Variants in DPYD observed in about 807,000 individuals in gnomAD.
DPYD encodes dihydropyrimidine dehydrogenase [NADP(+)].
DPYD carries 109 observed loss-of-function variants against 116.2 expected under a neutral mutation model. The observed-to-expected ratio is 0.94, with a 90% CI of 0.80 to 1.10. DPYD has a LOEUF of 1.10. DPYD is among the 50% of genes least tolerant of loss of function. The pLI, the probability that DPYD is intolerant of heterozygous loss-of-function variation, is 0.00. For synonymous variants in DPYD, 440 were observed against 432.0 expected (o/e 1.02, Z -0.23); for missense variants, 1,302 against 1,254.5 (o/e 1.04, Z -0.57).
chr1:97,549,894 C>T (rs777212146), intron 11 of DPYD, 150 bp from the exon 12 acceptor site: 17 of 769,032 alleles, frequency 2.2e-5, no homozygotes, highest in African/African-American at 7.1e-5. Flanking sequence ...GAAAAGCTAA[C>T]GAAATATTGG....
intron 2 of DPYD, among the ~76,000 whole-genome samples, chr1:97,868,787 A>C (rs967179737): frequency 3.3e-5 from 5 of 151,800 alleles, no homozygotes; most frequent in Non-Finnish European, 7.4e-5. Context: ...CTTAATCGTA[A>C]TTTTAACATA....
At chr1:97,232,552 C>T (rs1661651838) in intron 19 of DPYD, among the ~76,000 whole-genome samples, 1 of 151,996 alleles carries the variant, frequency 6.6e-6, no homozygotes, top group African/African-American at 2.4e-5. Context: ...GTTATAGTCC[C>T]ACAGTTCCCT....
chr1:97,685,188 C>G (rs1215716622), intron 7 of DPYD, among the ~76,000 whole-genome samples: 1 of 152,102 alleles, frequency 6.6e-6, no homozygotes, highest in Non-Finnish European at 1.5e-5. Flanking sequence ...GCTGGTTCAA[C>G]ATATGCAAAT....
rs986041058 is a variant in DPYD, at chr1:97,528,111, C to G, written c.1525-12170G>C. Among the ~76,000 whole-genome samples the G allele has an allele frequency of 3.3e-5, 5 of 152,136 alleles. No individual in the cohort carries two copies. The East Asian group carries it at 9.6e-4, about 29-fold the overall frequency. On this transcript the variant is annotated intron_variant, in intron 12 of 22. Coordinates refer to ENST00000370192, the MANE Select transcript of DPYD (RefSeq NM_000110.4). ...AATGCATTAATAATTAACTCAAGAT[C>G]AGTTCCTTCGCTCTTTGAAGAAATA...
At chr1:97,622,863 A>C (rs1656711183) in intron 8 of DPYD, among the ~76,000 whole-genome samples, 2 of 152,058 alleles carry the variant, frequency 1.3e-5, no homozygotes, top group South Asian at 4.1e-4. Context: ...GTGAAGAAGA[A>C]AGGCAGGCAA....
At chr1:97,899,135 G>A (rs1453775209) in intron 1 of DPYD, among the ~76,000 whole-genome samples, 2 of 151,298 alleles carry the variant, frequency 1.3e-5, no homozygotes, top group Admixed American at 6.6e-5. Context: ...CTTGGGCCAC[G>A]TTGTAACAGT....
chr1:97,830,671 C>T (rs7538995), intron 2 of DPYD, among the ~76,000 whole-genome samples: 114,093 of 150,470 alleles, frequency 0.76, 43,754 homozygotes, highest in East Asian at 0.98. Flanking sequence ...GTTCGCGCCA[C>T]GGCACTCCAG....
At chr1:97,297,603 C>A (rs1666610555) in intron 18 of DPYD, among the ~76,000 whole-genome samples, 1 of 152,138 alleles carries the variant, frequency 6.6e-6, no homozygotes, top group South Asian at 2.1e-4. Flanking sequence ...ATTATCTCCT[C>A]CCTTCCACTA....
intron 3 of DPYD, among the ~76,000 whole-genome samples, chr1:97,741,989 G>A (rs1234872294): frequency 6.6e-6 from 1 of 152,070 alleles, no homozygotes; most frequent in East Asian, 1.9e-4. Flanking sequence ...AATAGAAAGA[G>A]TATGCACCAG....
At chr1:97,471,671 C>T (rs1463854215) in intron 13 of DPYD, among the ~76,000 whole-genome samples, 1 of 151,890 alleles carries the variant, frequency 6.6e-6, no homozygotes, top group African/African-American at 2.4e-5. Flanking sequence ...TCACTGTAAC[C>T]TCAGCCTGCC....
chr1:97,750,350 G>A (rs1031920406), intron 3 of DPYD, among the ~76,000 whole-genome samples: 1 of 151,916 alleles, frequency 6.6e-6, no homozygotes, highest in Non-Finnish European at 1.5e-5. Context: ...TAGGTTATTT[G>A]TTCCTATACA....
chr1:97,813,076 T>A (rs1668412600), intron 3 of DPYD, among the ~76,000 whole-genome samples: 1 of 152,164 alleles, frequency 6.6e-6, no homozygotes, highest in Non-Finnish European at 1.5e-5. Context: ...ACTTTCAGAC[T>A]GCAGTTAATG....
intron 13 of DPYD, among the ~76,000 whole-genome samples, chr1:97,489,562 C>A (rs1003270069): frequency 2.0e-5 from 3 of 152,174 alleles, no homozygotes; most frequent in African/African-American, 7.2e-5. Flanking sequence ...CCAGGACACA[C>A]CACAGCCTTG....
At chr1:97,138,971 C>T (rs148981517) in intron 20 of DPYD, among the ~76,000 whole-genome samples, 47 of 152,186 alleles carry the variant, frequency 3.1e-4, no homozygotes, top group Middle Eastern at 3.4e-3. Flanking sequence ...TAAATATTAC[C>T]TATCAAATAA....
At chr1:97,562,683 G>A (rs1436146232) in intron 11 of DPYD, among the ~76,000 whole-genome samples, 1 of 152,070 alleles carries the variant, frequency 6.6e-6, no homozygotes, top group Admixed American at 6.6e-5. Context: ...AAGATTTAAT[G>A]TAATTTTCTA....
chr1:97,119,234 G>A (rs114731755), intron 20 of DPYD, among the ~76,000 whole-genome samples: 236 of 152,298 alleles, frequency 1.5e-3, no homozygotes, highest in African/African-American at 5.4e-3. Flanking sequence ...TCTACAATGG[G>A]TCTCAGCACT....
chr1:97,323,463 A>G (rs1443029765), intron 16 of DPYD, among the ~76,000 whole-genome samples: 1 of 139,682 alleles, frequency 7.2e-6, no homozygotes. Context: ...TATCATATAT[A>G]CATATATGTG....
chr1:97,902,360 T>C (rs1178462498), intron 1 of DPYD, among the ~76,000 whole-genome samples: 1 of 151,792 alleles, frequency 6.6e-6, no homozygotes, highest in African/African-American at 2.4e-5. Context: ...AGCCTACTTC[T>C]GATAAGAAAC....
intron 18 of DPYD, among the ~76,000 whole-genome samples, chr1:97,266,849 G>C (rs1483505261): frequency 6.6e-6 from 1 of 152,104 alleles, no homozygotes; most frequent in Admixed American, 6.5e-5. Context: ...TCTCTGCAAA[G>C]GACATGAACT....
Sources: allele counts gnomAD v4.1 joint callset (sites outside exome capture counted in the v4.1 genomes callset), GRCh38; gene constraint gnomAD v4.1.1; transcripts MANE v1.5; gene names NCBI Gene and HGNC (gene_info 2026-07-23, HGNC 2026-07-21).